The following ST18 variants were observed in gnomAD, a reference collection of about 807,000 sequenced individuals.
ST18 encodes suppression of tumorigenicity 18 protein.
A neutral mutation model predicts 110.0 loss-of-function variants in ST18; 50 were observed. The ratio of observed to expected loss-of-function variants is 0.45; its 90% CI spans 0.36 to 0.58. The LOEUF is 0.58. Ranked by LOEUF, ST18 falls within the 20% of genes least tolerant of loss-of-function variation. ST18 has a pLI of 0.00. For missense variants in ST18, 1,306 were observed against 1,280.1 expected (o/e 1.02, Z -0.31); for synonymous variants, 461 against 452.4 (o/e 1.02, Z -0.24).
chr8:52,317,483 C>G (rs2096052944), intron 2 of ST18, among the ~76,000 whole-genome samples: 1 of 152,194 alleles, frequency 6.6e-6, no homozygotes, highest in African/African-American at 2.4e-5. Flanking sequence ...TTTCTAGTCT[C>G]CAGAACTGTA....
At chr8:52,304,746 C>T (rs910250831) in intron 2 of ST18, among the ~76,000 whole-genome samples, 1 of 152,128 alleles carries the variant, frequency 6.6e-6, no homozygotes, top group Non-Finnish European at 1.5e-5. Flanking sequence ...CGGTAAAGTT[C>T]AAGATCAAGC....
chr8:52,269,319 T>C (rs1013707547), intron 2 of ST18, among the ~76,000 whole-genome samples: 2 of 152,132 alleles, frequency 1.3e-5, no homozygotes, highest in East Asian at 1.9e-4. Context: ...TCCAGGAAAA[T>C]GGTGATGACA....
At chr8:52,152,313 T>C (rs1180996204) in intron 15 of ST18, among the ~76,000 whole-genome samples, 1 of 152,140 alleles carries the variant, frequency 6.6e-6, no homozygotes, top group Non-Finnish European at 1.5e-5. Flanking sequence ...GCATCACTTC[T>C]CTCTGTGCTT....
intron 2 of ST18, among the ~76,000 whole-genome samples, chr8:52,351,106 A>G (rs575788109): frequency 9.5e-4 from 144 of 152,336 alleles, no homozygotes; most frequent in African/African-American, 3.3e-3. Flanking sequence ...GTAGATGCTC[A>G]ATTAATGTTT....
At chr8:52,146,059 T>C (rs2132262258) in intron 16 of ST18, among the ~76,000 whole-genome samples, 1 of 152,252 alleles carries the variant, frequency 6.6e-6, no homozygotes, top group East Asian at 1.9e-4. Flanking sequence ...AAATAATCAC[T>C]CAATTTCTGG....
chr8:52,404,521 G>A (rs4873641), intron 2 of ST18: 89,070 of 152,162 alleles, frequency 0.59, 29,392 homozygotes, highest in Non-Finnish European at 0.72. Flanking sequence ...AAGGAAGGAG[G>A]AAAAGAAGGC....
At chr8:52,384,548 G>A (rs1004044901) in intron 2 of ST18, among the ~76,000 whole-genome samples, 1 of 151,792 alleles carries the variant, frequency 6.6e-6, no homozygotes, top group African/African-American at 2.4e-5. Context: ...CACACTCCAG[G>A]CTACTCCATA....
At chr8:52,365,759 T>TG (rs1827646619) in intron 2 of ST18, among the ~76,000 whole-genome samples, 1 of 152,046 alleles carries the variant, frequency 6.6e-6, no homozygotes, top group African/African-American at 2.4e-5. Flanking sequence ...TGAGTGTTGT[T>TG]GCAACCACAG....
Position 52,369,764 on chromosome 8 carries a change from G to C in ST18, c.-465+39564C>G, listed in dbSNP as rs1358756792. On this transcript the variant is annotated intron_variant, in intron 2 of 25. Coordinates refer to ENST00000689386, the MANE Select transcript of ST18 (RefSeq NM_001352837.2). ...CAGTCATACAACATGAATTGAACTAGATATTAGTGGCCTTTTTCATTAAAT... is the reference window on the plus strand; with the variant it reads ...CAGTCATACAACATGAATTGAACTACATATTAGTGGCCTTTTTCATTAAAT... 2.0e-5 allele frequency among the ~76,000 whole-genome samples: 3 copies of C among 152,196 alleles called. No individual in the cohort carries two copies. In the East Asian group the frequency reaches 5.8e-4, roughly 29 times the overall value.
At chr8:52,261,076 T>C (rs1339143162) in intron 2 of ST18, among the ~76,000 whole-genome samples, 6 of 152,204 alleles carry the variant, frequency 3.9e-5, no homozygotes, top group African/African-American at 1.4e-4. Flanking sequence ...ACACTCTGAA[T>C]GTCCTGGGAT....
chr8:52,260,840 A>G (rs2094669726), intron 2 of ST18, among the ~76,000 whole-genome samples: 1 of 152,224 alleles, frequency 6.6e-6, no homozygotes, highest in Admixed American at 6.5e-5. Flanking sequence ...CTGGACAGAT[A>G]ATTTAAGTTC....
Position 52,134,016 on chromosome 8 carries a change from C to G in ST18, c.2301-715G>C, listed in dbSNP as rs534772629. On this transcript the variant is annotated intron_variant, in intron 19 of 25. Transcript: ENST00000689386. Reference sequence around the variant, plus strand: ...AAAGCTCTGGGATTACAGGCGTGAGCCACTGTGCCCCGCCTCCAAATGATT... The same window carrying G: ...AAAGCTCTGGGATTACAGGCGTGAGGCACTGTGCCCCGCCTCCAAATGATT... Among the ~76,000 whole-genome samples the G allele has an allele frequency of 2.6e-5, 4 of 152,202 alleles. No homozygotes were observed. The East Asian group carries it at 7.7e-4, about 29-fold the overall frequency.
At chr8:52,403,799 C>G (rs1267776659) in intron 2 of ST18, 1 of 152,198 alleles carries the variant, frequency 6.6e-6, no homozygotes, top group Non-Finnish European at 1.5e-5. Context: ...TCACTCCTCT[C>G]TAACTCTTAA....
intron 8 of ST18, among the ~76,000 whole-genome samples, chr8:52,191,630 G>C (rs138098341): frequency 3.9e-4 from 59 of 152,314 alleles, no homozygotes; most frequent in Non-Finnish European, 7.2e-4. Context: ...GTTCACCTCA[G>C]CATCTGAGTT....
At chr8:52,159,243 G>T in intron 14 of ST18, 134 bp from the exon 15 acceptor site, 1 of 823,478 alleles carries the variant, frequency 1.2e-6, no homozygotes, top group Non-Finnish European at 1.9e-6. Context: ...CATTATCCAT[G>T]GGAACATTAA....
chr8:52,196,859 T>TA (rs1304465885), intron 8 of ST18, among the ~76,000 whole-genome samples: 1 of 152,002 alleles, frequency 6.6e-6, no homozygotes, highest in Non-Finnish European at 1.5e-5. Context: ...CTCCTGGAGG[T>TA]AAGGGCTATT....
intron 2 of ST18, among the ~76,000 whole-genome samples, chr8:52,371,938 C>T (rs764972207): frequency 6.6e-6 from 1 of 152,130 alleles, no homozygotes; most frequent in Non-Finnish European, 1.5e-5. Context: ...TATGTATTTA[C>T]TATACTACAA....
In ST18 at chr8:52,133,278, C is replaced by T; in HGVS notation, c.2324G>A (p.Gly775Asp). 6.2e-7 allele frequency: 1 copy of T among 1,614,148 alleles called. No homozygotes were observed. The highest frequency in any genetic ancestry group is 8.5e-7 in the Non-Finnish European group (1 of 1,180,032). The change falls in exon 20 of 26, where the codon GGC (glycine) becomes GAC (aspartate). Residue 775 changes from glycine (G) to aspartate (D), a missense_variant. By Grantham distance (94) the Gly-to-Asp change is moderately conservative. Coordinates refer to ENST00000689386, the MANE Select transcript of ST18 (RefSeq NM_001352837.2). ...ATAGTTTCCAGTCACGTGCCCCGAG[C>T]CATCGCAGCCTGGGGTTGGACACCT... ...ELKCPTPGCD[G>D]SGHVTGNYAS...
chr8:52,380,721 A>G (rs1299091726), intron 2 of ST18, among the ~76,000 whole-genome samples: 1 of 152,148 alleles, frequency 6.6e-6, no homozygotes, highest in East Asian at 1.9e-4. Flanking sequence ...AAAAAAAAGT[A>G]TTAATCTCCT....
Sources: gnomAD v4.1 joint callset for allele counts (sites outside exome capture counted in the v4.1 genomes callset) on GRCh38, gnomAD v4.1.1 for gene constraint, MANE v1.5 for transcripts, NCBI Gene and HGNC (gene_info 2026-07-23, HGNC 2026-07-21) for gene names.